KCNJ1: variants seen among roughly 807,000 people sequenced by gnomAD.
KCNJ1 encodes the protein potassium inwardly rectifying channel subfamily J member 1.
KCNJ1 carries 24 observed loss-of-function variants against 21.9 expected under a neutral mutation model. The observed-to-expected ratio is 1.10, with a 90% CI of 0.79 to 1.54. The LOEUF is 1.54. KCNJ1 is among the 40% of genes most tolerant of loss of function. KCNJ1 has a pLI of 0.00. For missense variants in KCNJ1, 457 were observed against 455.4 expected (o/e 1.00, Z -0.03); for synonymous variants, 152 against 160.9 (o/e 0.94, Z 0.42).
chr11:128,858,880 T>C (rs1448760040), intron 1 of KCNJ1, among the ~76,000 whole-genome samples: 1 of 152,194 alleles, frequency 6.6e-6, no homozygotes, highest in African/African-American at 2.4e-5. Flanking sequence ...TGGAAGAAAC[T>C]CATTAAAACT....
Position 128,866,975 on chromosome 11 carries a change from C to G in KCNJ1, c.-192+198G>C, listed in dbSNP as rs374850802. On this transcript the variant is annotated intron_variant, in intron 1 of 2. Transcript: ENST00000392666. ...GGAGTGACCCAGGGAAGGCAAGATGCAGCACACAGCTAATAATCCACATGT... is the reference window on the plus strand; with the variant it reads ...GGAGTGACCCAGGGAAGGCAAGATGGAGCACACAGCTAATAATCCACATGT... 5.5e-4 allele frequency among the ~76,000 whole-genome samples: 83 copies of G among 152,280 alleles called. No homozygotes were observed. In the South Asian group the frequency reaches 0.017, roughly 31 times the overall value.
At chr11:128,844,214 T>G (rs1439090039) in intron 2 of KCNJ1, among the ~76,000 whole-genome samples, 1 of 152,198 alleles carries the variant, frequency 6.6e-6, no homozygotes, top group Non-Finnish European at 1.5e-5. Context: ...AGGGTAGTCT[T>G]CTGTGTGACC....
At chr11:128,851,679 T>G (rs1943478937) in intron 1 of KCNJ1, among the ~76,000 whole-genome samples, 2 of 152,108 alleles carry the variant, frequency 1.3e-5, no homozygotes, top group Non-Finnish European at 2.9e-5. Context: ...CAGAAAGGAA[T>G]GGATTCCATG....
chr11:128,849,662 A>G (rs1943447461), intron 2 of KCNJ1, among the ~76,000 whole-genome samples: 1 of 152,232 alleles, frequency 6.6e-6, no homozygotes, highest in African/African-American at 2.4e-5. Context: ...AACAGAATTA[A>G]GAAGCAGCCA....
intron 2 of KCNJ1, among the ~76,000 whole-genome samples, chr11:128,844,646 C>T (rs1263000934): frequency 6.6e-6 from 1 of 152,062 alleles, no homozygotes; most frequent in East Asian, 1.9e-4. Flanking sequence ...TCTGATGAAC[C>T]CAGGTGCAGA....
chr11:128,849,411 T>C (rs1943443254), intron 2 of KCNJ1, among the ~76,000 whole-genome samples: 1 of 152,204 alleles, frequency 6.6e-6, no homozygotes, highest in Admixed American at 6.5e-5. Flanking sequence ...GGGTGAGAGC[T>C]AGCAAGGGTC....
chr11:128,855,178 C>A (rs758006283), intron 1 of KCNJ1, among the ~76,000 whole-genome samples: 2 of 152,144 alleles, frequency 1.3e-5, no homozygotes, highest in Non-Finnish European at 2.9e-5. Flanking sequence ...TTTTTCTTTC[C>A]TTTTCTTTTC....
Position 128,839,713 on chromosome 11 carries a change from C to G in KCNJ1, c.531G>C (p.Lys177Asn), listed in dbSNP as rs1271082458. The G allele has an allele frequency of 6.2e-7, 1 of 1,613,474 alleles. No homozygotes were observed. The change falls in exon 3 of 3, where the codon AAG becomes AAC. Residue 177 changes from lysine (K) to asparagine (N), a missense_variant. Transcript: ENST00000392666. ...CTCCCCGTTTGCTGATCACTGCGTT[C>G]TTGCTGAACGTAATGGTCTTGGCAC... The part of the protein sequence containing the change: ...KKRAKTITFS[K>N]NAVISKRGGK...
chr11:128,839,697 T>C lies in KCNJ1; in HGVS notation c.547A>G (p.Lys183Glu), dbSNP rs746894373. 16 of 1,613,140 alleles carry C rather than the reference T, an allele frequency of 9.9e-6. No homozygotes were observed. The East Asian group carries it at 2.5e-4, about 25-fold the overall frequency. ...AGGAGGCAAAGCTTCCCTCCCCGTT[T>C]GCTGATCACTGCGTTCTTGCTGAAC... is the stretch of plus-strand genomic sequence containing the variant. Reference protein sequence around the residue: ...ITFSKNAVISKRGGKLCLLIR... With the variant: ...ITFSKNAVISERGGKLCLLIR... The change falls in exon 3 of 3, where the codon AAA becomes GAA. Residue 183 changes from lysine to glutamate, a missense_variant. Coordinates refer to ENST00000392666, the MANE Select transcript of KCNJ1 (RefSeq NM_153766.3).
intron 1 of KCNJ1, among the ~76,000 whole-genome samples, chr11:128,855,719 T>G (rs925318765): frequency 1.3e-5 from 2 of 152,130 alleles, no homozygotes; most frequent in Admixed American, 1.3e-4. Flanking sequence ...TGAGATAGGA[T>G]TAAGTGTGGG....
chr11:128,851,287 A>T (rs1444122088), intron 1 of KCNJ1, among the ~76,000 whole-genome samples: 1 of 152,240 alleles, frequency 6.6e-6, no homozygotes. Context: ...CTCTCAAAAG[A>T]TGTATGTAGA....
intron 2 of KCNJ1, among the ~76,000 whole-genome samples, chr11:128,841,637 T>G (rs1278215521): frequency 1.3e-5 from 2 of 152,204 alleles, no homozygotes; most frequent in Non-Finnish European, 2.9e-5. Context: ...ATGTGTTTAT[T>G]CGTAAGAACT....
At chr11:128,858,717 C>T (rs939697766) in intron 1 of KCNJ1, among the ~76,000 whole-genome samples, 10 of 152,120 alleles carry the variant, frequency 6.6e-5, no homozygotes, top group African/African-American at 9.7e-5. Flanking sequence ...CACTCTGTGA[C>T]ATAGACAGCA....
intron 1 of KCNJ1, among the ~76,000 whole-genome samples, chr11:128,855,028 T>A (rs73575696): frequency 1.8e-4 from 28 of 152,340 alleles, no homozygotes; most frequent in African/African-American, 6.7e-4. Flanking sequence ...TACTGGTGCA[T>A]GACCCAGCAG....
intron 1 of KCNJ1, among the ~76,000 whole-genome samples, chr11:128,858,214 G>T (rs542347420): frequency 2.1e-3 from 314 of 151,884 alleles, no homozygotes; most frequent in Non-Finnish European, 3.2e-3. Context: ...CGGAGGCAAA[G>T]AACACTGGCA....
chr11:128,850,793 A>G lies in KCNJ1; in HGVS notation c.-94T>C. 4.1e-6 allele frequency: 4 copies of G among 985,342 alleles called. No homozygotes were observed. Among genetic ancestry groups the G allele is most frequent in the Non-Finnish European group, 4.8e-6 (4 of 829,834 alleles). 61.0% of individuals were successfully genotyped at this position (985,342 alleles called of 1,614,324 possible). On this transcript the variant is annotated 5_prime_UTR_variant, in exon 2 of 3. Transcript: ENST00000392666. ...AGTAGATCTTGGGGTGACCAGCAAGAGCTGCTTGGTTTGGGATTCCACCTG... is the reference window on the plus strand; with the variant it reads ...AGTAGATCTTGGGGTGACCAGCAAGGGCTGCTTGGTTTGGGATTCCACCTG...
At chr11:128,846,227 G>A (rs1435796083) in intron 2 of KCNJ1, among the ~76,000 whole-genome samples, 1 of 152,150 alleles carries the variant, frequency 6.6e-6, no homozygotes, top group Non-Finnish European at 1.5e-5. Flanking sequence ...GCAAACCACT[G>A]ACCTTTGCTG....
intron 1 of KCNJ1, among the ~76,000 whole-genome samples, chr11:128,854,628 C>A (rs1943549703): frequency 6.6e-6 from 1 of 152,188 alleles, no homozygotes; most frequent in Non-Finnish European, 1.5e-5. Context: ...GGGAGAATGA[C>A]AGAAACCTCC....
rs781211294 is a variant in KCNJ1, at chr11:128,839,277, G to A, written c.967C>T (p.His323Tyr). 1 of 1,614,092 alleles carries A rather than the reference G, an allele frequency of 6.2e-7. No individual in the cohort carries two copies. The highest frequency in any genetic ancestry group is 8.5e-7 in the Non-Finnish European group (1 of 1,180,002). The change falls in exon 3 of 3, where the codon CAT becomes TAT. Residue 323 changes from histidine (H) to tyrosine (Y), a missense_variant. His to Tyr is a moderately conservative substitution (Grantham distance 83, BLOSUM62 2). Coordinates refer to ENST00000392666, the MANE Select transcript of KCNJ1 (RefSeq NM_153766.3). ...TKEGKYRVDF[H>Y]NFSKTVEVET... ...ACTTCCACTGTCTTGCTAAAGTTAT[G>A]GAAATCCACTCGGTATTTCCCTTCC...
Sources: gnomAD v4.1 joint callset for allele counts (sites outside exome capture counted in the v4.1 genomes callset) on GRCh38, gnomAD v4.1.1 for gene constraint, MANE v1.5 for transcripts, NCBI Gene and HGNC (gene_info 2026-07-23, HGNC 2026-07-21) for gene names.